Variants in HAUS6 observed in about 807,000 individuals in gnomAD.
HAUS6 encodes HAUS augmin-like complex subunit 6.
Under a neutral mutation model 106.8 loss-of-function variants are expected in HAUS6, and 80 were observed. The observed-to-expected ratio is 0.75, with a 90% CI of 0.63 to 0.90. The LOEUF (loss-of-function observed/expected upper bound fraction) is 0.90, where lower values mean the gene tolerates loss of function less well. Ranked by LOEUF, HAUS6 falls within the 40% of genes least tolerant of loss-of-function variation. HAUS6 has a pLI of 0.00. For missense variants in HAUS6, 1,155 were observed against 1,118.1 expected, an observed-to-expected ratio of 1.03 and a Z score of -0.47; for synonymous variants, 356 against 379.1, an observed-to-expected ratio of 0.94 and a Z score of 0.71.
intron 9 of HAUS6, among the ~76,000 whole-genome samples, chr9:19,078,627 A>C (rs1298043526): frequency 6.6e-6 from 1 of 151,338 alleles, no homozygotes. Context: ...ATCTCTATGA[A>C]AAATACAAAA....
rs377369937 is a variant in HAUS6, at chr9:19,102,504, G to A, written c.128+20C>T. On this transcript the variant is annotated intron_variant, in intron 1 of 16. Transcript: ENST00000380502. ...CCCCCGGTTCAGGCTCCCTCGCCCC[G>A]CCGGCCCCGGCCTCCTTACACTCCG... 1.9e-6 allele frequency: 3 copies of A among 1,609,088 alleles called. No homozygotes were observed. Among genetic ancestry groups the A allele is most frequent in the African/African-American group, 2.7e-5 (2 of 74,798 alleles).
intron 9 of HAUS6, among the ~76,000 whole-genome samples, chr9:19,078,874 G>A (rs1837072208): frequency 6.7e-6 from 1 of 148,392 alleles, no homozygotes; most frequent in African/African-American, 2.5e-5. Context: ...CCAGAAAGAG[G>A]CCGGGTATGG....
chr9:19,061,488 T>A (rs1836618019), intron 14 of HAUS6, among the ~76,000 whole-genome samples: 1 of 152,130 alleles, frequency 6.6e-6, no homozygotes, highest in South Asian at 2.1e-4. Context: ...CTTTAGAGAT[T>A]TAAAAGTACT....
At chr9:19,056,484 A>C (rs186429271) in intron 16 of HAUS6, 80 bp from the exon 17 acceptor site, 2 of 784,842 alleles carry the variant, frequency 2.5e-6, no homozygotes, top group African/African-American at 1.7e-5. Flanking sequence ...AGCAAATTTT[A>C]GTCAATACAA....
At chr9:19,082,476 C>T (rs1837178511) in intron 8 of HAUS6, among the ~76,000 whole-genome samples, 2 of 152,112 alleles carry the variant, frequency 1.3e-5, no homozygotes, top group South Asian at 2.1e-4. Context: ...TGGCCGGGTG[C>T]GGTGGCTCAC....
chr9:19,099,094 G>A (rs952609661), intron 1 of HAUS6, among the ~76,000 whole-genome samples: 1 of 149,584 alleles, frequency 6.7e-6, no homozygotes, highest in Non-Finnish European at 1.5e-5. Context: ...ATCATAAACT[G>A]CAAACCAAAG....
At chr9:19,074,178 C>T (rs767282445) in intron 11 of HAUS6, among the ~76,000 whole-genome samples, 6 of 151,212 alleles carry the variant, frequency 4.0e-5, no homozygotes, top group Non-Finnish European at 7.4e-5. Flanking sequence ...ACCCGGGAGG[C>T]GAAGGTTGCA....
chr9:19,091,629 G>A (rs932844646), intron 4 of HAUS6, among the ~76,000 whole-genome samples: 5 of 151,940 alleles, frequency 3.3e-5, no homozygotes, highest in Admixed American at 1.3e-4. Context: ...AAACCAGCCT[G>A]GGCAACATAG....
rs751482029 is a variant in HAUS6, at chr9:19,070,234, T to C, written c.1361A>G (p.His454Arg). The C allele has an allele frequency of 3.2e-6, 5 of 1,578,966 alleles. No homozygotes were observed. Among genetic ancestry groups the C allele is most frequent in the East Asian group, 2.2e-5 (1 of 44,704 alleles). Residue 454 changes from histidine (H) to arginine (R), a missense_variant, in exon 12 of 17, where the codon CAT becomes CGT. Around this residue, in one of 3 missense-constraint regions of HAUS6, gnomAD observed 761 missense variants for 690.0 expected, o/e 1.10. Transcript: ENST00000380502. ...RGDSDTLGAL[H>R]DLANSPASFL... ...TTTGTTTTACCTGTTGGCTAGATCA[T>C]GTAGCGCTCCCAAGGTATCACTGTC...
intron 4 of HAUS6, among the ~76,000 whole-genome samples, chr9:19,090,605 C>T (rs898352401): frequency 1.3e-5 from 2 of 152,154 alleles, no homozygotes; most frequent in Non-Finnish European, 2.9e-5. Flanking sequence ...CCTCATGATC[C>T]GCCCGCCCTG....
rs771461771 is a variant in HAUS6, at chr9:19,058,639, G to A, written c.2128C>T (p.Arg710Ter). The change falls in exon 16 of 17, where the codon CGA (arginine) becomes TGA (stop). Residue 710 changes from arginine (R) to a stop codon, truncating the protein, a stop_gained. Coordinates refer to ENST00000380502, the MANE Select transcript of HAUS6 (RefSeq NM_017645.5). LOFTEE classifies it high-confidence loss of function. ...LAFTKLSETS[R>*]METFSPAVGN... Reference sequence around the variant, plus strand: ...ACAGCAGGGGAGAATGTCTCCATTCGGCTAGTTTCTGAAAGCTTGGTGAAG... The same window carrying A: ...ACAGCAGGGGAGAATGTCTCCATTCAGCTAGTTTCTGAAAGCTTGGTGAAG... 14 of 1,606,666 alleles carry A rather than the reference G, an allele frequency of 8.7e-6. No individual in the cohort carries two copies. Among genetic ancestry groups the A allele is most frequent in the Admixed American group, 1.7e-5 (1 of 59,874 alleles).
intron 15 of HAUS6, among the ~76,000 whole-genome samples, chr9:19,059,769 G>C (rs1469141307): frequency 6.6e-6 from 1 of 152,096 alleles, no homozygotes; most frequent in East Asian, 1.9e-4. Context: ...TAAATATGTA[G>C]ATCACAGGTC....
At chr9:19,064,432 C>T (rs996899218) in intron 12 of HAUS6, among the ~76,000 whole-genome samples, 2 of 152,136 alleles carry the variant, frequency 1.3e-5, no homozygotes, top group Non-Finnish European at 2.9e-5. Context: ...TTTGTATTCC[C>T]TTGCCCTTTT....
chr9:19,063,113 T>C lies in HAUS6; in HGVS notation c.1524A>G (p.Pro508=). 6.2e-7 allele frequency: 1 copy of C among 1,600,522 alleles called. No individual in the cohort carries two copies. The highest frequency in any genetic ancestry group is 8.6e-7 in the Non-Finnish European group (1 of 1,169,554). Residue 508 remains proline, a synonymous_variant, in exon 14 of 17, where the codon CCA becomes CCG. Transcript: ENST00000380502. ...CTGTATTCTTTGCAACATCTGATAA[T>C]GGAGAATTTTCCACTTCAAATTCTG... ...KIPEFEVENS[P]LSDVAKNTES...
intron 5 of HAUS6, 62 bp downstream of exon 5, chr9:19,089,347 CATT>C: frequency 9.9e-7 from 1 of 1,014,546 alleles, no homozygotes; most frequent in Non-Finnish European, 1.5e-6. Flanking sequence ...TTTCTCCTGA[CATT>C]ATATTGGTGA....
rs1239720378 is a variant in HAUS6, at chr9:19,093,296, C to T, written c.311G>A (p.Cys104Tyr). 6.2e-7 allele frequency: 1 copy of T among 1,602,468 alleles called. No individual in the cohort carries two copies. The highest frequency in any genetic ancestry group is 1.7e-4 in the Middle Eastern group (1 of 6,040). ...AACAACTTGAGGAAAGCTACTTCCACATTCACCCTATGAAGAAAAGAAATA... is the reference window on the plus strand; with the variant it reads ...AACAACTTGAGGAAAGCTACTTCCATATTCACCCTATGAAGAAAAGAAATA... Reference protein sequence around the residue: ...CEWIKRISGECGSSFPQVVGS... With the variant: ...CEWIKRISGEYGSSFPQVVGS... The change falls in exon 4 of 17, where the codon TGT (cysteine) becomes TAT (tyrosine). Residue 104 changes from cysteine to tyrosine, a missense_variant. By Grantham distance (194) the Cys-to-Tyr change is radical. Coordinates refer to ENST00000380502, the MANE Select transcript of HAUS6 (RefSeq NM_017645.5).
At position 19,063,021 on chromosome 9, in the gene HAUS6, T is replaced by C. The variant is rs780759471; in HGVS notation, c.1616A>G (p.His539Arg). Residue 539 changes from histidine to arginine, a missense_variant, in exon 14 of 17, where the codon CAT becomes CGT. By Grantham distance (29) the His-to-Arg change is conservative. Coordinates refer to ENST00000380502, the MANE Select transcript of HAUS6 (RefSeq NM_017645.5). Reference protein sequence around the residue: ...KSDPFQKEQDHLVEEVARAVL... With the variant: ...KSDPFQKEQDRLVEEVARAVL... ...GTCTTTTCTCACCTCTTCTACCAGA[T>C]GATCTTGCTCTTTTTGAAATGGATC... is the stretch of plus-strand genomic sequence containing the variant. 8.7e-6 allele frequency: 14 copies of C among 1,609,446 alleles called. No individual in the cohort carries two copies. The highest frequency in any genetic ancestry group is 4.5e-4 in the Middle Eastern group (2 of 4,474).
chr9:19,056,313 G>A lies in HAUS6; in HGVS notation c.*30C>T, dbSNP rs775265277. On this transcript the variant is annotated 3_prime_UTR_variant, in exon 17 of 17. Transcript: ENST00000380502. ...CCTGTGGCATAGCTTCAATTTAAGT[G>A]CATCATAGTTATATTAAATGGGTAC... The A allele has an allele frequency of 9.1e-6, 9 of 990,030 alleles. No individual in the cohort carries two copies. Among genetic ancestry groups the A allele is most frequent in the Admixed American group, 7.1e-5 (4 of 56,112 alleles). 61.3% of individuals were successfully genotyped at this position (990,030 alleles called of 1,614,324 possible).
chr9:19,071,996 G>C lies in HAUS6; in HGVS notation c.1295-1696C>G, dbSNP rs139359322. Among the ~76,000 whole-genome samples the C allele has an allele frequency of 1.3e-3, 200 of 149,432 alleles. 1 individual carries two copies. Among genetic ancestry groups the C allele is most frequent in the African/African-American group, 4.6e-3 (189 of 40,746 alleles). On this transcript the variant is annotated intron_variant, in intron 11 of 16. Transcript: ENST00000380502. Reference sequence around the variant, plus strand: ...AGGTGGGCGGATCACCTAAGGTCAGGAGTTTGAGACCAGCCTGGCCCCGTC... The same window carrying C: ...AGGTGGGCGGATCACCTAAGGTCAGCAGTTTGAGACCAGCCTGGCCCCGTC...
Sources: gnomAD v4.1 joint callset for allele counts (sites outside exome capture counted in the v4.1 genomes callset) on GRCh38, gnomAD v4.1.1 for gene constraint, gnomAD v4.1.1 regional missense constraint, MANE v1.5 for transcripts, NCBI Gene and HGNC (gene_info 2026-07-23, HGNC 2026-07-21) for gene names.